KCTD1: variants seen among roughly 807,000 people sequenced by gnomAD.
The protein encoded by KCTD1 is potassium channel tetramerization domain containing 1, also known as BTB/POZ domain-containing protein KCTD1.
KCTD1 carries 24 observed loss-of-function variants against 66.0 expected under a neutral mutation model. The ratio of observed to expected loss-of-function variants is 0.36; its 90% CI spans 0.26 to 0.51. KCTD1 has a LOEUF of 0.51. Ranked by LOEUF, KCTD1 falls within the 20% of genes least tolerant of loss-of-function variation. The pLI is 0.95. For missense variants in KCTD1, 943 were observed against 1,205.2 expected, an observed-to-expected ratio of 0.78 and a Z score of 3.22; for synonymous variants, 511 against 517.2, an observed-to-expected ratio of 0.99 and a Z score of 0.16.
rs779037477 is a variant in KCTD1, at chr18:26,462,086, A to ATCTT, written c.2134-2165_2134-2162dup. Among the ~76,000 whole-genome samples the ATCTT allele has an allele frequency of 7.9e-5, 12 of 152,224 alleles. No individual in the cohort carries two copies. In the East Asian group the frequency reaches 2.1e-3, roughly 27 times the overall value. ...CCCATGCTGACCCTGAGTTCTCACC[A>ATCTT]TCTTTTCTTCCTTCTAGGTTCACAA... On this transcript the variant is annotated intron_variant, in intron 3 of 4. Coordinates refer to ENST00000580059, the MANE Select transcript of KCTD1 (RefSeq NM_001142730.3).
At chr18:26,551,899 G>A (rs1168809534), upstream of KCTD1, among the ~76,000 whole-genome samples, 2 of 152,180 alleles carry the variant, frequency 1.3e-5, no homozygotes, top group Non-Finnish European at 2.9e-5. Context: ...CATGAAGTCC[G>A]TTCAGACTAC....
chr18:26,488,525 G>A (rs941590787), intron 2 of KCTD1, among the ~76,000 whole-genome samples: 5 of 151,908 alleles, frequency 3.3e-5, no homozygotes, highest in African/African-American at 9.7e-5. Flanking sequence ...GAGGGGCCTC[G>A]CCAAGTTTAA....
upstream of KCTD1, chr18:26,548,650 T>A (rs1985399781): frequency 3.7e-6 from 4 of 1,082,498 alleles, no homozygotes; most frequent in Non-Finnish European, 4.6e-6. Context: ...GCCGGGCTCT[T>A]AAAGGAGCCG....
At chr18:26,511,516 GAAC>G (rs1274596757) in intron 1 of KCTD1, among the ~76,000 whole-genome samples, 1 of 152,144 alleles carries the variant, frequency 6.6e-6, no homozygotes, top group African/African-American at 2.4e-5. Flanking sequence ...GGGAAGATGC[GAAC>G]AACAGCAAAG....
At chr18:26,508,605 C>T (rs1032034157) in intron 1 of KCTD1, among the ~76,000 whole-genome samples, 15 of 152,182 alleles carry the variant, frequency 9.9e-5, no homozygotes, top group Non-Finnish European at 1.9e-4. Flanking sequence ...TGGTAAAATA[C>T]CTATATCCTT....
upstream of KCTD1, among the ~76,000 whole-genome samples, chr18:26,641,805 G>A (rs953378548): frequency 7.2e-5 from 11 of 152,224 alleles, no homozygotes; most frequent in East Asian, 5.8e-4. Context: ...ATCAGATCTC[G>A]AGATGAGCTT....
At chr18:26,474,886 G>A (rs758106418) in intron 3 of KCTD1, among the ~76,000 whole-genome samples, 11 of 151,336 alleles carry the variant, frequency 7.3e-5, no homozygotes, top group Middle Eastern at 3.4e-3. Flanking sequence ...TATTGCCCTC[G>A]TTTTTGTATT....
intron 1 of KCTD1, among the ~76,000 whole-genome samples, chr18:26,538,310 C>T (rs1237363078): frequency 6.6e-6 from 1 of 151,952 alleles, no homozygotes; most frequent in South Asian, 2.1e-4. Context: ...GTCTGCAGAA[C>T]TAAGTTAGAA....
intron 2 of KCTD1, among the ~76,000 whole-genome samples, chr18:26,492,671 G>C (rs1006775686): frequency 6.6e-6 from 1 of 151,680 alleles, no homozygotes; most frequent in Non-Finnish European, 1.5e-5. Context: ...TGTTATCAAA[G>C]AGGAGGAAAC....
chr18:26,532,216 G>C (rs1984467145), intron 1 of KCTD1, among the ~76,000 whole-genome samples: 2 of 151,174 alleles, frequency 1.3e-5, no homozygotes, highest in Admixed American at 1.3e-4. Context: ...CTATGAGTCA[G>C]GATCAATTCC....
At chr18:26,546,547 T>A (rs564335141) in intron 1 of KCTD1, among the ~76,000 whole-genome samples, 181 bp downstream of exon 1, 2 of 152,308 alleles carry the variant, frequency 1.3e-5, no homozygotes, top group East Asian at 3.9e-4. Flanking sequence ...TCTTTTAAGG[T>A]TAGGTGTAAA....
At chr18:26,550,748 TCCGAGGCTGCGGTGAGCA>T (rs991575025), upstream of KCTD1, among the ~76,000 whole-genome samples, 3 of 152,196 alleles carry the variant, frequency 2.0e-5, no homozygotes, top group African/African-American at 7.2e-5. The surrounding 1 kb of genome is among the most constrained non-coding windows in gnomAD (Gnocchi z 5.4). Context: ...TGCTCGTTTC[TCCGAGGCTGCGGTGAGCA>T]GCTAAGTTAG....
chr18:26,656,133 G>T (rs1988131586), intron 1 of KCTD1, among the ~76,000 whole-genome samples: 1 of 152,192 alleles, frequency 6.6e-6, no homozygotes, highest in African/African-American at 2.4e-5. Context: ...CCCGAGCGCT[G>T]GTTCAGACGG....
At chr18:26,582,852 CT>C (rs1355424937) in intron 1 of KCTD1, among the ~76,000 whole-genome samples, 1 of 151,694 alleles carries the variant, frequency 6.6e-6, no homozygotes, top group African/African-American at 2.4e-5. Flanking sequence ...CATAGACTAT[CT>C]TTAGAAAAAT....
chr18:26,516,322 G>C (rs570589955), intron 1 of KCTD1, among the ~76,000 whole-genome samples: 1 of 152,302 alleles, frequency 6.6e-6, no homozygotes, highest in Admixed American at 6.5e-5. Flanking sequence ...TGTAGATCTT[G>C]TTTATCCCAT....
At chr18:26,562,190 T>C (rs1985872200) in intron 1 of KCTD1, among the ~76,000 whole-genome samples, 1 of 152,070 alleles carries the variant, frequency 6.6e-6, no homozygotes, top group Non-Finnish European at 1.5e-5. Context: ...TCTCACTCTT[T>C]CTCAGGCTCC....
intron 1 of KCTD1, among the ~76,000 whole-genome samples, chr18:26,563,790 C>T (rs1985917940): frequency 6.6e-6 from 1 of 152,098 alleles, no homozygotes; most frequent in Non-Finnish European, 1.5e-5. Context: ...TAGAAGAGTG[C>T]CTGGCATACT....
intron 1 of KCTD1, among the ~76,000 whole-genome samples, chr18:26,504,326 C>G (rs1358419469): frequency 6.6e-6 from 1 of 152,154 alleles, no homozygotes. Context: ...ACTTCCCAGG[C>G]TCAAGCGATT....
chr18:26,606,076 A>T (rs1327256015), intron 1 of KCTD1, among the ~76,000 whole-genome samples: 1 of 152,192 alleles, frequency 6.6e-6, no homozygotes, highest in Admixed American at 6.5e-5. Context: ...AGGTAGATTT[A>T]AAAATGTTCT....
Sources: allele counts gnomAD v4.1 joint callset (sites outside exome capture counted in the v4.1 genomes callset), GRCh38; gene constraint gnomAD v4.1.1; non-coding constraint Gnocchi (gnomAD v3.1); transcripts MANE v1.5; gene names NCBI Gene and HGNC (gene_info 2026-07-23, HGNC 2026-07-21).